FAR2: variants seen among roughly 807,000 people sequenced by gnomAD.
The protein encoded by FAR2 is fatty acyl-CoA reductase 2.
FAR2 carries 19 observed loss-of-function variants against 56.0 expected under a neutral mutation model. That is an observed-to-expected ratio of 0.34 (90% CI 0.24 to 0.50). FAR2 has a LOEUF of 0.50. Among genes scored for constraint, FAR2 ranks in the 20% least tolerant of loss-of-function variants. The pLI is 0.98. For missense variants in FAR2, 508 were observed against 642.2 expected (o/e 0.79, Z 2.26); for synonymous variants, 219 against 218.8 (o/e 1.00, Z -0.01).
chr12:29,211,782 C>T (rs1947552827), intron 1 of FAR2, among the ~76,000 whole-genome samples: 1 of 151,390 alleles, frequency 6.6e-6, no homozygotes, highest in African/African-American at 2.4e-5. Flanking sequence ...CCCAGTAGCT[C>T]AGAATGTGAC....
At chr12:29,193,575 T>C (rs1372846868) in intron 1 of FAR2, among the ~76,000 whole-genome samples, 2 of 152,248 alleles carry the variant, frequency 1.3e-5, no homozygotes, top group East Asian at 1.9e-4. Context: ...CATGGCTTGA[T>C]AGCTCATTTC....
chr12:29,196,275 T>C (rs1349842132), intron 1 of FAR2, among the ~76,000 whole-genome samples: 1 of 152,164 alleles, frequency 6.6e-6, no homozygotes, highest in South Asian at 2.1e-4. Context: ...CTGTTTTCCA[T>C]AGAGGTTGTA....
chr12:29,166,082 C>T (rs1343686111), intron 1 of FAR2, among the ~76,000 whole-genome samples: 2 of 152,228 alleles, frequency 1.3e-5, no homozygotes, highest in Non-Finnish European at 2.9e-5. Context: ...CTGTGAATAA[C>T]AACATCTACA....
At chr12:29,242,695 C>T (rs1948057531) in intron 1 of FAR2, among the ~76,000 whole-genome samples, 1 of 152,188 alleles carries the variant, frequency 6.6e-6, no homozygotes, top group African/African-American at 2.4e-5. Flanking sequence ...ATATTAGAGT[C>T]ACTTTCTTTC....
At chr12:29,185,350 T>C (rs560756448) in intron 1 of FAR2, among the ~76,000 whole-genome samples, 21 of 152,330 alleles carry the variant, frequency 1.4e-4, no homozygotes, top group African/African-American at 5.1e-4. Context: ...TGTTCATTTG[T>C]TATGAGAGAG....
intron 1 of FAR2, among the ~76,000 whole-genome samples, chr12:29,154,717 A>G (rs1949712689): frequency 6.6e-6 from 1 of 152,178 alleles, no homozygotes; most frequent in Non-Finnish European, 1.5e-5. Flanking sequence ...GAGCCACCGC[A>G]CTGGGCCCCT....
intron 7 of FAR2, among the ~76,000 whole-genome samples, chr12:29,311,666 TCACA>T (rs61236613): frequency 2.9e-4 from 43 of 147,530 alleles, no homozygotes; most frequent in Admixed American, 6.8e-4. Context: ...AACATCTCTT[TCACA>T]CACACACACA....
intron 1 of FAR2, among the ~76,000 whole-genome samples, chr12:29,251,864 T>C (rs1948217744): frequency 6.6e-6 from 1 of 152,162 alleles, no homozygotes; most frequent in African/African-American, 2.4e-5. Context: ...CCAGGATTCA[T>C]GGGTCCAAGA....
chr12:29,222,849 G>A (rs1424388659), intron 1 of FAR2, among the ~76,000 whole-genome samples: 1 of 152,076 alleles, frequency 6.6e-6, no homozygotes, highest in Non-Finnish European at 1.5e-5. Flanking sequence ...TTCTAGACCT[G>A]GAAAATAAGC....
chr12:29,187,677 T>C (rs541570342), intron 1 of FAR2, among the ~76,000 whole-genome samples: 1 of 152,318 alleles, frequency 6.6e-6, no homozygotes, highest in East Asian at 1.9e-4. Context: ...TTTTTGTGGG[T>C]CTATTTTTCC....
intron 1 of FAR2, among the ~76,000 whole-genome samples, chr12:29,164,620 C>G (rs1368831811): frequency 6.6e-6 from 1 of 152,102 alleles, no homozygotes; most frequent in Non-Finnish European, 1.5e-5. Context: ...ATATCTAAGG[C>G]TAAGAAGAGG....
chr12:29,288,930 C>G (rs1591932007), intron 2 of FAR2, among the ~76,000 whole-genome samples: 1 of 151,902 alleles, frequency 6.6e-6, no homozygotes, highest in South Asian at 2.1e-4. Flanking sequence ...TTTTAAAAAG[C>G]CTTTAAAATA....
intron 2 of FAR2, among the ~76,000 whole-genome samples, chr12:29,287,405 A>G (rs2136739013): frequency 6.6e-6 from 1 of 152,346 alleles, no homozygotes; most frequent in East Asian, 1.9e-4. Context: ...AATTTTTGTT[A>G]ATCTGTACAT....
intron 1 of FAR2, among the ~76,000 whole-genome samples, chr12:29,169,380 C>T (rs925532483): frequency 1.3e-5 from 2 of 152,132 alleles, no homozygotes; most frequent in African/African-American, 4.8e-5. Flanking sequence ...ATTTGTAAGA[C>T]CACCTGTAGC....
chr12:29,238,254 C>T (rs1380954004), intron 1 of FAR2, among the ~76,000 whole-genome samples: 1 of 152,014 alleles, frequency 6.6e-6, no homozygotes, highest in African/African-American at 2.4e-5. Context: ...TATAGAGCAA[C>T]ACACTGATTA....
chr12:29,302,264 G>T (rs139613351), intron 4 of FAR2, among the ~76,000 whole-genome samples: 8,591 of 141,318 alleles, frequency 0.061, 380 homozygotes, highest in Non-Finnish European at 0.095. Context: ...AAAAAAAAAG[G>T]TGCTTTCTTA....
chr12:29,296,976 TACTG>T, intron 3 of FAR2, 41 bp from the exon 4 acceptor site: 1 of 1,526,096 alleles, frequency 6.6e-7, no homozygotes, highest in East Asian at 2.3e-5. Flanking sequence ...CAAGGCATGA[TACTG>T]ACTTACTTCA....
chr12:29,152,591 A>T (rs960395973), intron 1 of FAR2, among the ~76,000 whole-genome samples: 2 of 152,214 alleles, frequency 1.3e-5, no homozygotes, highest in Admixed American at 6.5e-5. Context: ...ACTAGAAGGG[A>T]TGAATGGAGA....
At chr12:29,211,602 G>A (rs888967897) in intron 1 of FAR2, among the ~76,000 whole-genome samples, 1 of 152,050 alleles carries the variant, frequency 6.6e-6, no homozygotes, top group Admixed American at 6.6e-5. Flanking sequence ...TCATAAGCGA[G>A]CAACTGACCC....
Sources: allele counts gnomAD v4.1 joint callset (sites outside exome capture counted in the v4.1 genomes callset), GRCh38; gene constraint gnomAD v4.1.1; transcripts MANE v1.5; gene names NCBI Gene and HGNC (gene_info 2026-07-23, HGNC 2026-07-21).